CDH4: variants seen among roughly 807,000 people sequenced by gnomAD.
CDH4 encodes the protein cadherin 4.
Under a neutral mutation model 86.0 loss-of-function variants are expected in CDH4, and 33 were observed. The observed-to-expected ratio is 0.38, with a 90% CI of 0.29 to 0.51. The LOEUF (loss-of-function observed/expected upper bound fraction) is 0.51. Ranked by LOEUF, CDH4 falls within the 20% of genes least tolerant of loss-of-function variation. The pLI, the probability that CDH4 is intolerant of heterozygous loss-of-function variation, is 0.86. For synonymous variants in CDH4, 555 were observed against 549.4 expected, an observed-to-expected ratio of 1.01 and a Z score of -0.14; for missense variants, 1,114 against 1,307.4, an observed-to-expected ratio of 0.85 and a Z score of 2.28.
intron 3 of CDH4, among the ~76,000 whole-genome samples, chr20:61,770,153 C>A (rs945695455): frequency 3.3e-5 from 5 of 152,154 alleles, no homozygotes; most frequent in African/African-American, 4.8e-5. Context: ...GAAAAGCCCC[C>A]GCCCCTTGTC....
At chr20:61,916,809 A>T (rs1037192075) in intron 9 of CDH4, among the ~76,000 whole-genome samples, 1 of 152,210 alleles carries the variant, frequency 6.6e-6, no homozygotes, top group Non-Finnish European at 1.5e-5. Flanking sequence ...GGAAGCCCCA[A>T]ATCCAGCAAT....
At chr20:61,495,180 C>T (rs1292563500) in intron 2 of CDH4, among the ~76,000 whole-genome samples, 2 of 152,206 alleles carry the variant, frequency 1.3e-5, no homozygotes, top group Non-Finnish European at 2.9e-5. Context: ...TGGCCTCGTC[C>T]GTTTCATTCA....
In CDH4 at chr20:61,698,690, C is replaced by T. The variant is rs372293132; in HGVS notation, c.170-44873C>T. 3.3e-4 allele frequency among the ~76,000 whole-genome samples: 51 copies of T among 152,342 alleles called. 1 individual carries two copies. The South Asian group carries it at 0.01, about 30-fold the overall frequency. ...TGGGGCCAGAGTCTCAGCTGTGGGG[C>T]GTGCACTGTGGGGTGCTCAGCAGAT... On this transcript the variant is annotated intron_variant, in intron 2 of 15. Transcript: ENST00000614565.
intron 2 of CDH4, among the ~76,000 whole-genome samples, chr20:61,261,974 T>G (rs1219811192): frequency 6.6e-6 from 1 of 152,094 alleles, no homozygotes; most frequent in African/African-American, 2.4e-5. Flanking sequence ...AGAGCCGAGC[T>G]CTCTCTCGGA....
At chr20:61,606,636 C>T (rs2086647730) in intron 2 of CDH4, among the ~76,000 whole-genome samples, 1 of 152,244 alleles carries the variant, frequency 6.6e-6, no homozygotes, top group Non-Finnish European at 1.5e-5. Flanking sequence ...GGTGTGGCCT[C>T]AGTGGCCTGT....
At chr20:61,303,016 G>A (rs1377477582) in intron 2 of CDH4, among the ~76,000 whole-genome samples, 2 of 152,168 alleles carry the variant, frequency 1.3e-5, no homozygotes, top group Non-Finnish European at 2.9e-5. Flanking sequence ...TCCCCAGCAT[G>A]GCTGACACTT....
At chr20:61,264,654 T>G (rs1166211249) in intron 2 of CDH4, among the ~76,000 whole-genome samples, 1 of 149,874 alleles carries the variant, frequency 6.7e-6, no homozygotes. Flanking sequence ...ATCTTACACA[T>G]ACCTCAGTGG....
intron 2 of CDH4, among the ~76,000 whole-genome samples, chr20:61,493,978 G>T (rs1024717576): frequency 1.3e-5 from 2 of 152,148 alleles, no homozygotes; most frequent in African/African-American, 4.8e-5. Context: ...GAACACTCTG[G>T]AGCGGACTCT....
intron 7 of CDH4, among the ~76,000 whole-genome samples, chr20:61,889,904 AGATGATGGATGGGTAGATGGATC>A (rs1470295965): frequency 5.5e-5 from 6 of 109,246 alleles, no homozygotes; most frequent in Non-Finnish European, 7.6e-5. Context: ...ATGGATGGAT[AGATGATGGATGGGTAGATGGATC>A]GATGATGGAT....
chr20:61,891,180 G>A (rs1600742623), intron 7 of CDH4, among the ~76,000 whole-genome samples: 1 of 152,226 alleles, frequency 6.6e-6, no homozygotes, highest in African/African-American at 2.4e-5. Context: ...ACGAGGGAGG[G>A]GAGAAAGCCA....
chr20:61,400,055 G>A lies in CDH4; in HGVS notation c.169+145118G>A, dbSNP rs181234226. Among the ~76,000 whole-genome samples, 410 of 152,264 alleles carry A rather than the reference G, an allele frequency of 2.7e-3. 2 individuals carry two copies. The highest frequency in any genetic ancestry group is 2.6e-3 in the Non-Finnish European group (180 of 68,008). The stretch of plus-strand genomic sequence containing the variant: ...CTTACAGCTGGGCAGCACGTTTTGG[G>A]ACAACTCTCCCACAAGTGGGCTGTG... On this transcript the variant is annotated intron_variant, in intron 2 of 15. Coordinates refer to ENST00000614565, the MANE Select transcript of CDH4 (RefSeq NM_001794.5).
intron 2 of CDH4, among the ~76,000 whole-genome samples, chr20:61,359,504 G>C (rs534561358): frequency 2.4e-4 from 36 of 152,322 alleles, no homozygotes; most frequent in Admixed American, 3.3e-4. Context: ...ACCTCCACGC[G>C]GCAGGTTTGA....
At chr20:61,644,224 C>T (rs2087038403) in intron 2 of CDH4, among the ~76,000 whole-genome samples, 2 of 152,208 alleles carry the variant, frequency 1.3e-5, no homozygotes, top group South Asian at 4.1e-4. Flanking sequence ...GTCAAGGCTC[C>T]GTCCAGAAGA....
Position 61,593,744 on chromosome 20 carries a change from C to G in CDH4, c.170-149819C>G, listed in dbSNP as rs576486419. On this transcript the variant is annotated intron_variant, in intron 2 of 15. Transcript: ENST00000614565. Reference sequence around the variant, plus strand: ...CCTCCATTCTGGAAGTCTCTTGAAGCAACATCTGAATGTTATTGTAAAGAT... The same window carrying G: ...CCTCCATTCTGGAAGTCTCTTGAAGGAACATCTGAATGTTATTGTAAAGAT... Among the ~76,000 whole-genome samples the G allele has an allele frequency of 2.0e-5, 3 of 152,058 alleles. 1 individual carries two copies. The South Asian group carries it at 6.3e-4, about 32-fold the overall frequency.
At position 61,856,392 on chromosome 20, in the gene CDH4, G is replaced by A. The variant is rs1171908840; in HGVS notation, c.877+3494G>A. ...CCCCCACACTCTTCTCCAGCCCCCCGGGATTCACAAGAGTCCTGCGTGCCC... is the reference window on the plus strand; with the variant it reads ...CCCCCACACTCTTCTCCAGCCCCCCAGGATTCACAAGAGTCCTGCGTGCCC... On this transcript the variant is annotated intron_variant, in intron 6 of 15. Transcript: ENST00000614565. Among the ~76,000 whole-genome samples, 67 of 55,136 alleles carry A rather than the reference G, an allele frequency of 1.2e-3. 1 individual carries two copies. Among genetic ancestry groups the A allele is most frequent in the Admixed American group, 2.4e-3 (10 of 4,104 alleles). The allele number at this position is 55,136 out of a possible 152,430, so 36.2% of individuals were successfully genotyped here. A position where few individuals can be genotyped will look rare whatever the true frequency, so the allele number is the denominator to read the frequency against.
chr20:61,713,956 C>T (rs1330417660), intron 2 of CDH4, among the ~76,000 whole-genome samples: 1 of 152,196 alleles, frequency 6.6e-6, no homozygotes, highest in South Asian at 2.1e-4. Flanking sequence ...CGGGACTCAG[C>T]ACATCAGCCT....
intron 2 of CDH4, among the ~76,000 whole-genome samples, chr20:61,695,155 A>C (rs546855004): frequency 6.6e-6 from 1 of 152,356 alleles, no homozygotes; most frequent in Non-Finnish European, 1.5e-5. Context: ...ATGTTGATTC[A>C]GAATTAATAC....
intron 2 of CDH4, among the ~76,000 whole-genome samples, chr20:61,330,938 C>A (rs1430280099): frequency 2.0e-5 from 3 of 152,050 alleles, no homozygotes; most frequent in African/African-American, 7.2e-5. Context: ...CCCCTGCACA[C>A]CTGGGAGAGG....
chr20:61,674,179 C>T (rs1043699317), intron 2 of CDH4, among the ~76,000 whole-genome samples: 8 of 152,274 alleles, frequency 5.3e-5, no homozygotes, highest in East Asian at 1.9e-4. Context: ...GCACAGCACA[C>T]GCAAGGAAGA....
Sources: gnomAD v4.1 joint callset for allele counts (sites outside exome capture counted in the v4.1 genomes callset) on GRCh38, gnomAD v4.1.1 for gene constraint, MANE v1.5 for transcripts, NCBI Gene and HGNC (gene_info 2026-07-23, HGNC 2026-07-21) for gene names.